Variants in GRIN2D observed in about 807,000 individuals in gnomAD.
GRIN2D encodes the protein glutamate receptor ionotropic, NMDA 2D.
GRIN2D carries 37 observed loss-of-function variants against 103.2 expected under a neutral mutation model. The ratio of observed to expected loss-of-function variants is 0.36; its 90% CI spans 0.28 to 0.47. GRIN2D has a LOEUF of 0.47. GRIN2D is among the 20% of genes least tolerant of loss of function. The pLI is 1.00. For missense variants in GRIN2D, 1,557 were observed against 1,910.6 expected (o/e 0.81, Z 3.45); for synonymous variants, 845 against 885.6 (o/e 0.95, Z 0.81).
Position 48,443,759 on chromosome 19 carries a change from G to A in GRIN2D, c.3833G>A (p.Cys1278Tyr). ...TSRSLEDLSS[C>Y]PRAAPARRLT... ...CGCTCGCTCGAGGACCTCAGCTCGT[G>A]CCCTCGCGCCGCCCCTGCGCGCAGG... is the stretch of plus-strand genomic sequence containing the variant. Residue 1278 changes from cysteine (C) to tyrosine (Y), a missense_variant, in exon 14 of 14, where the codon TGC becomes TAC. By Grantham distance (194) the Cys-to-Tyr change is radical. Around this residue, in one of 7 missense-constraint regions of GRIN2D, gnomAD observed 11 missense variants for 29.1 expected, o/e 0.38. Transcript: ENST00000263269. This position sits in a 1 kb window ranked among gnomAD's most constrained non-coding sequence, Gnocchi z 8.9. 2 of 1,428,708 alleles carry A rather than the reference G, an allele frequency of 1.4e-6. No homozygotes were observed. Among genetic ancestry groups the A allele is most frequent in the Non-Finnish European group, 1.8e-6 (2 of 1,097,364 alleles). 88.5% of individuals were successfully genotyped at this position (1,428,708 alleles called of 1,614,324 possible).
chr19:48,434,253 G>A (rs886143763), intron 11 of GRIN2D, among the ~76,000 whole-genome samples: 1 of 148,360 alleles, frequency 6.7e-6, no homozygotes, highest in Non-Finnish European at 1.5e-5. Context: ...CCTGGCGGCC[G>A]CTTCTTCTAT....
intron 8 of GRIN2D, among the ~76,000 whole-genome samples, chr19:48,417,457 G>A (rs1970962370): frequency 6.6e-6 from 1 of 152,260 alleles, no homozygotes; most frequent in Admixed American, 6.5e-5. Context: ...AGCGTACATC[G>A]GCCAAGGGCA....
In GRIN2D at chr19:48,421,561, G is replaced by T. The variant is rs371191978; in HGVS notation, c.2092-224G>T. ...AGACTTAACACCTGGCACATCAGGG[G>T]CCTCAGGGAGGCTTCTCGTGAACTT... On this transcript the variant is annotated intron_variant, in intron 10 of 13. Transcript: ENST00000263269. This position sits in a 1 kb window ranked among gnomAD's most constrained non-coding sequence, Gnocchi z 4.8. Among the ~76,000 whole-genome samples the T allele has an allele frequency of 1.3e-5, 2 of 152,170 alleles. No homozygotes were observed. Among genetic ancestry groups the T allele is most frequent in the South Asian group, 4.1e-4 (2 of 4,834 alleles).
rs1350594656 is a variant in GRIN2D at position 48,398,713 on chromosome 19, G to A, written c.321G>A (p.Leu107=). 1.4e-6 allele frequency: 2 copies of A among 1,468,402 alleles called. No homozygotes were observed. The highest frequency in any genetic ancestry group is 2.4e-5 in the Admixed American group (1 of 41,464). 91.0% of individuals were successfully genotyped at this position (1,468,402 alleles called of 1,614,324 possible). The change falls in exon 3 of 14, where the codon CTG becomes CTA. Residue 107 remains leucine, a synonymous_variant. Transcript: ENST00000263269. ...RSLVLQLCDL[L]SGLRVHGVVF... The stretch of plus-strand genomic sequence containing the variant: ...TCGTGCTGCAGCTCTGCGACCTGCT[G>A]TCGGGGTTGCGCGTGCACGGCGTGG...
chr19:48,398,473 G>C lies in GRIN2D; in HGVS notation c.81G>C (p.Pro27=), dbSNP rs1308597718. The change falls in exon 3 of 14, where the codon CCG becomes CCC. Residue 27 remains proline (P), a synonymous_variant. Coordinates refer to ENST00000263269, the MANE Select transcript of GRIN2D (RefSeq NM_000836.4). ...TGCTGGCGCTGGCCTGCGCCAGCCC[G>C]TTCCCGGAGGAGGCGCCGGGGCCGG... The part of the protein sequence containing the change: ...LLLLALACAS[P]FPEEAPGPGG... 2 of 1,050,672 alleles carry C rather than the reference G, an allele frequency of 1.9e-6. No homozygotes were observed. The highest frequency in any genetic ancestry group is 2.3e-6 in the Non-Finnish European group (2 of 873,450). 65.1% of individuals were successfully genotyped at this position (1,050,672 alleles called of 1,614,324 possible).
Position 48,421,793 on chromosome 19 carries a change from G to A in GRIN2D, c.2100G>A (p.Arg700=). The part of the protein sequence containing the change: ...VSGLSDRKFQ[R]PQEQYPPLKF... ...TCCCCATTCTGCCCCAGTTCCAGAG[G>A]CCCCAGGAGCAGTACCCGCCCCTGA... The change falls in exon 11 of 14, where the codon AGG becomes AGA. Residue 700 remains arginine, a synonymous_variant. Transcript: ENST00000263269. This position sits in a 1 kb window ranked among gnomAD's most constrained non-coding sequence, Gnocchi z 4.8. 1.2e-6 allele frequency: 2 copies of A among 1,613,342 alleles called. No individual in the cohort carries two copies. Among genetic ancestry groups the A allele is most frequent in the Non-Finnish European group, 1.7e-6 (2 of 1,179,722 alleles).
chr19:48,440,753 T>C (rs569690495), intron 11 of GRIN2D, among the ~76,000 whole-genome samples: 20 of 152,190 alleles, frequency 1.3e-4, no homozygotes, highest in Non-Finnish European at 2.8e-4. Context: ...GTGGCTCGAT[T>C]TTGGCTCACA....
chr19:48,412,252 C>T (rs1449696348), intron 4 of GRIN2D, among the ~76,000 whole-genome samples: 1 of 151,542 alleles, frequency 6.6e-6, no homozygotes, highest in Non-Finnish European at 1.5e-5. Context: ...TGGCGTGAAC[C>T]TGGGAGGTGG....
intron 9 of GRIN2D, 92 bp from the exon 10 acceptor site, chr19:48,419,493 C>A: frequency 4.4e-6 from 6 of 1,365,656 alleles, no homozygotes; most frequent in Non-Finnish European, 5.0e-6. Context: ...GCCTTGAGGG[C>A]CACTGGGAAT....
Position 48,404,993 on chromosome 19 carries a change from A to G in GRIN2D, c.725A>G (p.Gln242Arg), listed in dbSNP as rs1569060302. ...GCCCAGCTCCGCAGTGTCAGCGCGC[A>G]GATCCGCCTGCTCTTCTGCGCCCGA... ...LSAQLRSVSA[Q>R]IRLLFCAREE... The change falls in exon 4 of 14, where the codon CAG (glutamine) becomes CGG (arginine). Residue 242 changes from glutamine to arginine, a missense_variant. This residue lies in a region of GRIN2D where 490 missense variants were observed against 601.1 expected (regional missense o/e 0.82). Transcript: ENST00000263269. 2.5e-6 allele frequency: 4 copies of G among 1,612,344 alleles called. No individual in the cohort carries two copies. The highest frequency in any genetic ancestry group is 3.4e-6 in the Non-Finnish European group (4 of 1,179,558).
Position 48,423,480 on chromosome 19 carries a change from T to C in GRIN2D, c.2252+1535T>C, listed in dbSNP as rs544521831. ...GAGCTAGAGGGCGGCAGGGCTGGGATATTTTCACCAGGGTGTTCAGGGTGG... is the reference window on the plus strand; with the variant it reads ...GAGCTAGAGGGCGGCAGGGCTGGGACATTTTCACCAGGGTGTTCAGGGTGG... On this transcript the variant is annotated intron_variant, in intron 11 of 13. Coordinates refer to ENST00000263269, the MANE Select transcript of GRIN2D (RefSeq NM_000836.4). Among the ~76,000 whole-genome samples the C allele has an allele frequency of 9.9e-5, 15 of 152,044 alleles. No homozygotes were observed. The South Asian group carries it at 3.1e-3, about 32-fold the overall frequency.
Position 48,414,653 on chromosome 19 carries a change from C to G in GRIN2D, c.1412+69C>G. ...CCCGTGAAGCCCAGTAGTCTGGGCC[C>G]CCAGCCCCCTCCTCCCTTGGGACCC... On this transcript the variant is annotated intron_variant, in intron 6 of 13. Transcript: ENST00000263269. The surrounding 1 kb of genome is among the most constrained non-coding windows in gnomAD (Gnocchi z 4.6). 7.0e-7 allele frequency: 1 copy of G among 1,421,100 alleles called. No individual in the cohort carries two copies. The highest frequency in any genetic ancestry group is 2.0e-5 in the Admixed American group (1 of 49,872). 88.0% of individuals were successfully genotyped at this position (1,421,100 alleles called of 1,614,324 possible).
rs528448259 is a variant in GRIN2D, at chr19:48,421,156, C to T, written c.2092-629C>T. Among the ~76,000 whole-genome samples the T allele has an allele frequency of 4.6e-5, 7 of 152,240 alleles. No homozygotes were observed. The highest frequency in any genetic ancestry group is 6.5e-5 in the Admixed American group (1 of 15,290). On this transcript the variant is annotated intron_variant, in intron 10 of 13. Coordinates refer to ENST00000263269, the MANE Select transcript of GRIN2D (RefSeq NM_000836.4). The surrounding 1 kb of genome is among the most constrained non-coding windows in gnomAD (Gnocchi z 4.8). ...AAAACTTGTTTTAGTTGTCTGGGCG[C>T]GGTGGCTTATGCCTGTAATCCCAGC...
chr19:48,399,382 A>G (rs1008929664), intron 3 of GRIN2D, among the ~76,000 whole-genome samples: 18 of 152,208 alleles, frequency 1.2e-4, no homozygotes, highest in African/African-American at 4.3e-4. Context: ...AGCCTGGCCA[A>G]CATGGTGAAA....
intron 2 of GRIN2D, among the ~76,000 whole-genome samples, chr19:48,396,372 G>A (rs1970640251): frequency 6.6e-6 from 1 of 151,904 alleles, no homozygotes; most frequent in South Asian, 2.1e-4. Context: ...GGGGCCGGGG[G>A]CTGCCCTCCT....
At position 48,393,940 on chromosome 19, in the gene GRIN2D, G is replaced by A. The variant is rs1465498504; in HGVS notation, c.-306+72G>A. Among the ~76,000 whole-genome samples the A allele has an allele frequency of 2.6e-5, 4 of 152,068 alleles. No homozygotes were observed. The highest frequency in any genetic ancestry group is 9.7e-5 in the African/African-American group (4 of 41,416). ...GGGTGTGTCTGTAAGCGCTGCGGCG[G>A]CGGAGGGAGGGAGGGGTCTGTCTGT... On this transcript the variant is annotated intron_variant, in intron 1 of 13. Coordinates refer to ENST00000263269, the MANE Select transcript of GRIN2D (RefSeq NM_000836.4). The surrounding 1 kb of genome is among the most constrained non-coding windows in gnomAD (Gnocchi z 5.6).
chr19:48,407,517 G>A (rs1428597100), intron 4 of GRIN2D, among the ~76,000 whole-genome samples: 2 of 152,130 alleles, frequency 1.3e-5, no homozygotes, highest in African/African-American at 4.8e-5. Context: ...TCCAAACCAG[G>A]TTGCACAAGT....
intron 11 of GRIN2D, among the ~76,000 whole-genome samples, chr19:48,429,035 A>G (rs1416713538): frequency 1.3e-5 from 2 of 152,098 alleles, no homozygotes; most frequent in Non-Finnish European, 2.9e-5. Context: ...CCCTCCCTAG[A>G]AGCTTCATGA....
At chr19:48,415,053 C>A in intron 7 of GRIN2D, 21 bp downstream of exon 7, 1 of 1,553,370 alleles carries the variant, frequency 6.4e-7, no homozygotes, top group Non-Finnish European at 8.7e-7. Flanking sequence ...GGACGGGAGG[C>A]GGGGAATCTT....
Sources: gnomAD v4.1 joint callset for allele counts (sites outside exome capture counted in the v4.1 genomes callset) on GRCh38, gnomAD v4.1.1 for gene constraint, gnomAD v4.1.1 regional missense constraint, Gnocchi (gnomAD v3.1) non-coding constraint, MANE v1.5 for transcripts, NCBI Gene and HGNC (gene_info 2026-07-23, HGNC 2026-07-21) for gene names.